Variants in MYO16 observed in about 807,000 individuals in gnomAD.
The protein encoded by MYO16 is myosin XVI.
In MYO16, 94 loss-of-function variants were observed where a neutral mutation model predicts 205.3. The observed-to-expected ratio is 0.46, with a 90% CI of 0.39 to 0.54. The LOEUF is 0.54. MYO16 is among the 20% of genes least tolerant of loss of function. MYO16 has a pLI of 0.00. For missense variants in MYO16, 2,315 were observed against 2,387.5 expected, an observed-to-expected ratio of 0.97 and a Z score of 0.63; for synonymous variants, 988 against 954.0, an observed-to-expected ratio of 1.04 and a Z score of -0.66.
chr13:108,767,324 G>C (rs1420931657), intron 4 of MYO16, among the ~76,000 whole-genome samples: 1 of 152,066 alleles, frequency 6.6e-6, no homozygotes, highest in Non-Finnish European at 1.5e-5. Context: ...GGACGGTCTC[G>C]ATCTCCTGAC....
intron 21 of MYO16, among the ~76,000 whole-genome samples, chr13:109,007,557 TGTGTG>T (rs1885439807): frequency 1.4e-5 from 2 of 148,056 alleles, no homozygotes; most frequent in African/African-American, 4.9e-5. Flanking sequence ...TGTGTGTGTG[TGTGTG>T]TGTGTGTGTG....
At position 109,207,087 on chromosome 13, in the gene MYO16, T is replaced by C. The variant is rs1411862732; in HGVS notation, c.*251T>C. On this transcript the variant is annotated 3_prime_UTR_variant, in exon 35 of 35. Coordinates refer to ENST00000457511, the MANE Select transcript of MYO16 (RefSeq NM_001198950.3). ...TTCAAGCTCCTCATTTACGGCTCTGTGCTACCCCTAGGTAGCAAGAGAGAG... is the reference window on the plus strand; with the variant it reads ...TTCAAGCTCCTCATTTACGGCTCTGCGCTACCCCTAGGTAGCAAGAGAGAG... 1.3e-5 allele frequency: 6 copies of C among 461,550 alleles called. No homozygotes were observed. Among genetic ancestry groups the C allele is most frequent in the Admixed American group, 3.6e-5 (1 of 28,086 alleles). The allele number at this position is 461,550 out of a possible 1,614,324, so 28.6% of individuals were successfully genotyped here.
rs1197939171 is a variant in MYO16 at position 109,162,997 on chromosome 13, G to A, written c.5165-1904G>A. 1.3e-5 allele frequency among the ~76,000 whole-genome samples: 2 copies of A among 152,154 alleles called. No individual in the cohort carries two copies. Among genetic ancestry groups the A allele is most frequent in the African/African-American group, 4.8e-5 (2 of 41,426 alleles). On this transcript the variant is annotated intron_variant, in intron 32 of 34. Coordinates refer to ENST00000457511, the MANE Select transcript of MYO16 (RefSeq NM_001198950.3). This position sits in a 1 kb window ranked among gnomAD's most constrained non-coding sequence, Gnocchi z 4.6. The stretch of plus-strand genomic sequence containing the variant: ...TTGCCATTCTTGTACATGCTAACTT[G>A]ACTGAAGGTCTTTGTTTTTTATGTA...
chr13:108,782,459 C>T (rs913973862), intron 4 of MYO16, among the ~76,000 whole-genome samples: 1 of 152,150 alleles, frequency 6.6e-6, no homozygotes, highest in Non-Finnish European at 1.5e-5. Flanking sequence ...AGGGAAACAG[C>T]ATAAAAGTTC....
rs201583322 is a variant in MYO16 at position 109,123,444 on chromosome 13, C to CT, written c.3536-1659dup. Among the ~76,000 whole-genome samples the CT allele has an allele frequency of 9.8e-4, 148 of 150,806 alleles. 1 individual carries two copies. Among genetic ancestry groups the CT allele is most frequent in the African/African-American group, 3.2e-3 (132 of 41,158 alleles). The stretch of plus-strand genomic sequence containing the variant: ...CACCCTTCCGAAAGCCAATGTCTCC[C>CT]TTTTTTTTTAGTGTAACAAGAAAGA... On this transcript the variant is annotated intron_variant, in intron 29 of 34. Coordinates refer to ENST00000457511, the MANE Select transcript of MYO16 (RefSeq NM_001198950.3).
chr13:108,807,958 G>A (rs8002448), intron 7 of MYO16, among the ~76,000 whole-genome samples: 110,212 of 152,094 alleles, frequency 0.72, 41,218 homozygotes, highest in East Asian at 1. Context: ...CTGTTCTATT[G>A]TAAAGTGTCT....
At chr13:108,864,996 T>A (rs1459045531) in intron 11 of MYO16, among the ~76,000 whole-genome samples, 1 of 152,120 alleles carries the variant, frequency 6.6e-6, no homozygotes, top group African/African-American at 2.4e-5. Flanking sequence ...ATTCTTTTTT[T>A]TAAAAAAAGG....
At chr13:109,122,972 C>G (rs532368741) in intron 29 of MYO16, among the ~76,000 whole-genome samples, 1 of 152,080 alleles carries the variant, frequency 6.6e-6, no homozygotes, top group Non-Finnish European at 1.5e-5. Context: ...AAAGCTGTAA[C>G]TTTTAGTTTT....
chr13:108,925,669 C>T (rs12100420), intron 16 of MYO16, among the ~76,000 whole-genome samples: 2,114 of 152,254 alleles, frequency 0.014, 35 homozygotes, highest in African/African-American at 0.04. Context: ...ACCAGCCCAT[C>T]GGCAAGTCCT....
intron 3 of MYO16, among the ~76,000 whole-genome samples, chr13:108,715,623 T>C (rs1313282995): frequency 1.3e-5 from 2 of 152,130 alleles, no homozygotes; most frequent in Non-Finnish European, 2.9e-5. Context: ...GACACTGTGA[T>C]AGATATTGGG....
intron 4 of MYO16, among the ~76,000 whole-genome samples, chr13:108,734,795 C>G (rs577579654): frequency 6.6e-6 from 1 of 152,222 alleles, no homozygotes; most frequent in Non-Finnish European, 1.5e-5. Flanking sequence ...TGGAAGGTAT[C>G]ATGTCCCATG....
intron 22 of MYO16, among the ~76,000 whole-genome samples, chr13:109,015,594 G>A (rs1268222071): frequency 6.6e-6 from 1 of 152,074 alleles, no homozygotes; most frequent in African/African-American, 2.4e-5. Flanking sequence ...TCTGGTCCTG[G>A]ACTTTTTTGG....
chr13:108,813,163 G>A (rs915476197), intron 7 of MYO16, among the ~76,000 whole-genome samples: 1 of 152,120 alleles, frequency 6.6e-6, no homozygotes, highest in Admixed American at 6.6e-5. Context: ...ACAATTACAT[G>A]GAAAACTGCA....
intron 1 of MYO16, among the ~76,000 whole-genome samples, chr13:108,653,559 T>C (rs1881106872): frequency 1.3e-5 from 2 of 152,240 alleles, no homozygotes; most frequent in South Asian, 2.1e-4. Flanking sequence ...TAATTTTGTA[T>C]ATAATGTAAA....
At chr13:108,642,964 T>C (rs1370827700) in intron 1 of MYO16, among the ~76,000 whole-genome samples, 1 of 152,198 alleles carries the variant, frequency 6.6e-6, no homozygotes, top group Non-Finnish European at 1.5e-5. Flanking sequence ...TAGATGTAAC[T>C]CTTCCATTAT....
In MYO16 at chr13:108,875,468, G is replaced by T. The variant is rs145916321; in HGVS notation, c.1426-7591G>T. On this transcript the variant is annotated intron_variant, in intron 12 of 34. Transcript: ENST00000457511. ...ATATTATGTATAAAGCATAGAATTG[G>T]CATCAGGTAATGTGTTGCCAGGTGG... Among the ~76,000 whole-genome samples, 792 of 152,182 alleles carry T rather than the reference G, an allele frequency of 5.2e-3. 8 individuals carry two copies. Among genetic ancestry groups the T allele is most frequent in the African/African-American group, 0.018 (750 of 41,518 alleles).
At chr13:109,057,267 T>G (rs1290621881) in intron 27 of MYO16, among the ~76,000 whole-genome samples, 2 of 152,188 alleles carry the variant, frequency 1.3e-5, no homozygotes, top group Non-Finnish European at 2.9e-5. Flanking sequence ...GCTTGAGCCT[T>G]CCATTTTAAA....
chr13:108,626,950 ATT>A (rs1879764249), upstream of MYO16, among the ~76,000 whole-genome samples: 1 of 146,264 alleles, frequency 6.8e-6, no homozygotes, highest in African/African-American at 2.5e-5. Context: ...AAAAATATAT[ATT>A]GTATATAATA....
At chr13:108,519,649 C>CACA in the MYO16 span, among the ~76,000 whole-genome samples, 2,462 of 118,536 alleles carry the variant, frequency 0.021, 35 homozygotes, top group Middle Eastern at 0.035. Context: ...ACACACACAC[C>CACA]CACACACACA....
Sources: gnomAD v4.1 joint callset for allele counts (sites outside exome capture counted in the v4.1 genomes callset) on GRCh38, gnomAD v4.1.1 for gene constraint, Gnocchi (gnomAD v3.1) non-coding constraint, MANE v1.5 for transcripts, NCBI Gene and HGNC (gene_info 2026-07-23, HGNC 2026-07-21) for gene names.